ANAPC1: variants seen among roughly 807,000 people sequenced by gnomAD.
The protein encoded by ANAPC1 is anaphase-promoting complex subunit 1.
ANAPC1 carries 36 observed loss-of-function variants against 208.0 expected under a neutral mutation model. The ratio of observed to expected loss-of-function variants is 0.17; its 90% CI spans 0.13 to 0.23. ANAPC1 has a LOEUF of 0.23. Ranked by LOEUF, ANAPC1 falls within the 10% of genes least tolerant of loss-of-function variation. ANAPC1 has a pLI of 1.00. For synonymous variants in ANAPC1, 378 were observed against 695.2 expected, an observed-to-expected ratio of 0.54 and a Z score of 7.18; for missense variants, 942 against 2,011.6, an observed-to-expected ratio of 0.47 and a Z score of 10.17.
chr2:111,771,257 T>A (rs1411485819), intron 47 of ANAPC1: 1 of 149,748 alleles, frequency 6.7e-6, no homozygotes, highest in African/African-American at 2.5e-5. Flanking sequence ...GCTGCTGACA[T>A]TTTTGCTTAC....
intron 3 of ANAPC1, among the ~76,000 whole-genome samples, chr2:111,877,802 T>C (rs1683097250): frequency 6.6e-6 from 1 of 151,848 alleles, no homozygotes; most frequent in Non-Finnish European, 1.5e-5. Flanking sequence ...AATAAATAAA[T>C]AAACAATAAT....
intron 29 of ANAPC1, among the ~76,000 whole-genome samples, chr2:111,806,611 G>A (rs1363841757): frequency 1.0e-5 from 1 of 95,952 alleles, no homozygotes; most frequent in Non-Finnish European, 2.1e-5. Context: ...ATGTTCGAAT[G>A]ATGATAATGA....
chr2:111,789,205 C>T (rs1677742600), intron 38 of ANAPC1, among the ~76,000 whole-genome samples: 1 of 151,706 alleles, frequency 6.6e-6, no homozygotes, highest in Non-Finnish European at 1.5e-5. Context: ...CTTTCCTCAC[C>T]AATATGATAC....
intron 38 of ANAPC1, among the ~76,000 whole-genome samples, chr2:111,791,159 A>G (rs1241826986): frequency 6.6e-6 from 1 of 151,906 alleles, no homozygotes; most frequent in Non-Finnish European, 1.5e-5. Flanking sequence ...GTTGGCTATT[A>G]AAAGTGTAAA....
chr2:111,794,672 G>A (rs756901627), intron 35 of ANAPC1, 146 bp downstream of exon 35: 53 of 1,217,936 alleles, frequency 4.4e-5, no homozygotes, highest in Middle Eastern at 4.9e-4. Context: ...TTTAACCAAC[G>A]TCATGAACAT....
chr2:111,843,267 C>T (rs1680866771), intron 17 of ANAPC1, 145 bp downstream of exon 17: 2 of 722,318 alleles, frequency 2.8e-6, no homozygotes, highest in Non-Finnish European at 4.4e-6. Flanking sequence ...ATTTTATTTA[C>T]AATATATAGA....
intron 2 of ANAPC1, among the ~76,000 whole-genome samples, chr2:111,879,953 A>G (rs1558749019): frequency 6.6e-6 from 1 of 152,204 alleles, no homozygotes; most frequent in Non-Finnish European, 1.5e-5. Flanking sequence ...CTTCTGCAGC[A>G]GGGACTACTT....
At chr2:111,786,488 G>C (rs1677556927) in intron 39 of ANAPC1, among the ~76,000 whole-genome samples, 1 of 151,240 alleles carries the variant, frequency 6.6e-6, no homozygotes, top group Non-Finnish European at 1.5e-5. Context: ...ACGAGGTCAG[G>C]AGATCGAGAC....
At chr2:111,882,053 G>A (rs1400740101) in intron 1 of ANAPC1, among the ~76,000 whole-genome samples, 10 of 152,052 alleles carry the variant, frequency 6.6e-5, no homozygotes, top group Admixed American at 3.9e-4. Flanking sequence ...ACTTGGTGGC[G>A]GGCACCTGTA....
chr2:111,882,776 T>G (rs1683378467), intron 1 of ANAPC1, among the ~76,000 whole-genome samples: 1 of 151,652 alleles, frequency 6.6e-6, no homozygotes. Context: ...GATATAATTA[T>G]GTCACAAAAC....
chr2:111,846,618 G>A (rs2104508762), intron 16 of ANAPC1, among the ~76,000 whole-genome samples: 1 of 124,502 alleles, frequency 8.0e-6, no homozygotes, highest in South Asian at 2.7e-4. Flanking sequence ...CACCTAGGCT[G>A]GAGTGCAGTG....
chr2:111,825,095 T>G (rs1679760374), intron 23 of ANAPC1, 36 bp downstream of exon 23: 1 of 1,613,940 alleles, frequency 6.2e-7, no homozygotes, highest in Non-Finnish European at 8.5e-7. Context: ...TTGTTTTAAG[T>G]GTTTGACATA....
chr2:111,795,056 A>C, intron 34 of ANAPC1, 162 bp from the exon 35 acceptor site: 2 of 628,132 alleles, frequency 3.2e-6, no homozygotes, highest in Non-Finnish European at 5.3e-6. Flanking sequence ...CATTGAATGT[A>C]ATCAAATTTC....
At chr2:111,788,141 T>G (rs932410887) in intron 39 of ANAPC1, 93 bp downstream of exon 39, 1 of 1,519,742 alleles carries the variant, frequency 6.6e-7, no homozygotes, top group Non-Finnish European at 8.9e-7. Flanking sequence ...CAATGCTAAT[T>G]TGGAAATAAT....
intron 16 of ANAPC1, among the ~76,000 whole-genome samples, chr2:111,845,029 G>A (rs1461058939): frequency 6.6e-6 from 1 of 152,072 alleles, no homozygotes; most frequent in Non-Finnish European, 1.5e-5. Flanking sequence ...TTTTCTTTTT[G>A]TAGAGACAGA....
chr2:111,851,994 T>C (rs577224929), intron 13 of ANAPC1, among the ~76,000 whole-genome samples: 2 of 151,976 alleles, frequency 1.3e-5, no homozygotes, highest in Admixed American at 6.6e-5. Context: ...AACACACTAC[T>C]CAAAAGCTAA....
At chr2:111,814,983 C>T (rs1295797644) in intron 28 of ANAPC1, among the ~76,000 whole-genome samples, 1 of 149,464 alleles carries the variant, frequency 6.7e-6, no homozygotes, top group East Asian at 2.0e-4. Context: ...CTAAATGGTG[C>T]TTTTTCAAGC....
At chr2:111,815,062 G>A (rs1477062763) in intron 28 of ANAPC1, among the ~76,000 whole-genome samples, 4 of 144,342 alleles carry the variant, frequency 2.8e-5, no homozygotes, top group South Asian at 2.2e-4. Flanking sequence ...ACTCAGCCTC[G>A]TGGCTGGCAA....
At chr2:111,832,361 G>A (rs1355812437) in intron 20 of ANAPC1, among the ~76,000 whole-genome samples, 1 of 148,376 alleles carries the variant, frequency 6.7e-6, no homozygotes, top group African/African-American at 2.5e-5. Context: ...TAAACCTAAA[G>A]GTGAAAAAAA....
Sources: gnomAD v4.1 joint callset for allele counts (sites outside exome capture counted in the v4.1 genomes callset) on GRCh38, gnomAD v4.1.1 for gene constraint, MANE v1.5 for transcripts, NCBI Gene and HGNC (gene_info 2026-07-23, HGNC 2026-07-21) for gene names.